TIAM2: variants seen among roughly 807,000 people sequenced by gnomAD.
TIAM2 encodes the protein rho guanine nucleotide exchange factor TIAM2.
In TIAM2, 80 loss-of-function variants were observed where a neutral mutation model predicts 152.9. That is an observed-to-expected ratio of 0.52 (90% CI 0.44 to 0.63). The LOEUF (loss-of-function observed/expected upper bound fraction) is 0.63, where lower values mean the gene tolerates loss of function less well. TIAM2 is among the 30% of genes least tolerant of loss of function. The probability of loss-of-function intolerance (pLI) is 0.00; values close to 1 mark genes in which losing one functional copy is unlikely to be tolerated. For synonymous variants in TIAM2, 804 were observed against 838.0 expected, an observed-to-expected ratio of 0.96 and a Z score of 0.70; for missense variants, 1,965 against 2,120.1, an observed-to-expected ratio of 0.93 and a Z score of 1.44.
chr6:155,024,519 TAGG>T (rs1776560026), intron 1 of TIAM2, among the ~76,000 whole-genome samples: 1 of 152,204 alleles, frequency 6.6e-6, no homozygotes, highest in East Asian at 1.9e-4. Context: ...TTTTTCTTTG[TAGG>T]AGAAGAAGAT....
chr6:155,118,858 TG>T (rs1306816214), intron 2 of TIAM2, among the ~76,000 whole-genome samples: 8 of 121,370 alleles, frequency 6.6e-5, no homozygotes, highest in South Asian at 3.0e-4. Flanking sequence ...AGTGAATGTG[TG>T]TGCTTTTTTT....
chr6:155,247,503 A>G (rs1046893946), intron 19 of TIAM2, among the ~76,000 whole-genome samples: 1 of 151,878 alleles, frequency 6.6e-6, no homozygotes, highest in Non-Finnish European at 1.5e-5. Flanking sequence ...GAATTTTTGT[A>G]TTTTTAGTAG....
intron 1 of TIAM2, among the ~76,000 whole-genome samples, chr6:155,087,239 A>G (rs1480441048): frequency 4.6e-5 from 7 of 152,232 alleles, no homozygotes; most frequent in Non-Finnish European, 8.8e-5. Flanking sequence ...ACATGTGGAA[A>G]GTTCTGTTAT....
At chr6:155,157,645 G>C (rs1302121526) in intron 7 of TIAM2, among the ~76,000 whole-genome samples, 1 of 152,040 alleles carries the variant, frequency 6.6e-6, no homozygotes, top group Admixed American at 6.5e-5. Flanking sequence ...TGCACTAACT[G>C]ATTGCGCCAC....
chr6:155,138,135 C>T (rs1215142407), intron 5 of TIAM2, among the ~76,000 whole-genome samples: 2 of 152,148 alleles, frequency 1.3e-5, no homozygotes, highest in African/African-American at 4.8e-5. Flanking sequence ...GCCACTGCAC[C>T]CGGCCTATTA....
In TIAM2 at chr6:155,008,944, G is replaced by T. The variant is rs575676895; in HGVS notation, c.-209+13452G>T. ...TGTACTGCCTTGGAGTTGTAGGATT[G>T]AAATAGGAGAGGAAGAGCATAATGG... On this transcript the variant is annotated intron_variant, in intron 1 of 26. Transcript: ENST00000682666. Among the ~76,000 whole-genome samples the T allele has an allele frequency of 3.3e-5, 5 of 152,204 alleles. No individual in the cohort carries two copies. The East Asian group carries it at 5.8e-4, about 18-fold the overall frequency.
intron 15 of TIAM2, among the ~76,000 whole-genome samples, chr6:155,240,229 C>T (rs144926761): frequency 6.6e-6 from 1 of 152,382 alleles, no homozygotes; most frequent in African/African-American, 2.4e-5. Flanking sequence ...ACCTTGACTG[C>T]AGAGGGTTAG....
At chr6:155,173,201 G>A (rs1780676261) in intron 9 of TIAM2, among the ~76,000 whole-genome samples, 2 of 146,158 alleles carry the variant, frequency 1.4e-5, no homozygotes, top group Admixed American at 6.9e-5. Context: ...GTGTGTGTGT[G>A]TCTGTCTGTC....
At chr6:155,211,352 G>C (rs759446022) in intron 15 of TIAM2, 45 bp downstream of exon 15, 1 of 1,545,916 alleles carries the variant, frequency 6.5e-7, no homozygotes, top group Admixed American at 1.7e-5. Flanking sequence ...AGGCAGGCGA[G>C]TGTTAGTTCC....
At chr6:155,118,664 A>T (rs1779073821) in intron 2 of TIAM2, among the ~76,000 whole-genome samples, 1 of 151,094 alleles carries the variant, frequency 6.6e-6, no homozygotes, top group Non-Finnish European at 1.5e-5. Context: ...CAAACTCCTG[A>T]CCTCAGGTGA....
At chr6:155,044,760 C>T (rs1314654087) in intron 1 of TIAM2, among the ~76,000 whole-genome samples, 1 of 151,616 alleles carries the variant, frequency 6.6e-6, no homozygotes, top group Non-Finnish European at 1.5e-5. Context: ...TGCTGTGAGC[C>T]GAGATTGCAC....
chr6:155,089,224 G>T (rs928778319), intron 1 of TIAM2, among the ~76,000 whole-genome samples: 6 of 151,208 alleles, frequency 4.0e-5, no homozygotes, highest in Admixed American at 1.3e-4. Context: ...TTTTCGGGGG[G>T]GTGGGGGTGT....
chr6:155,170,917 A>C (rs1331564287), intron 9 of TIAM2, among the ~76,000 whole-genome samples: 1 of 152,214 alleles, frequency 6.6e-6, no homozygotes, highest in Non-Finnish European at 1.5e-5. Context: ...TACCCAGATA[A>C]CTAGATTCAG....
intron 14 of TIAM2, among the ~76,000 whole-genome samples, chr6:155,206,882 A>T (rs1781608747): frequency 6.6e-6 from 1 of 152,254 alleles, no homozygotes; most frequent in Non-Finnish European, 1.5e-5. Flanking sequence ...TTGAATTTAT[A>T]ATTGATTTGC....
rs1387733672 is a variant in TIAM2 at position 155,029,378 on chromosome 6, T to A, written c.-209+33886T>A. ...CGTTATATATAATATATACTATATA[T>A]ACTATGTTATATATATACTATAGTA... On this transcript the variant is annotated intron_variant, in intron 1 of 26. Coordinates refer to ENST00000682666, the MANE Select transcript of TIAM2 (RefSeq NM_012454.4). Among the ~76,000 whole-genome samples the A allele has an allele frequency of 2.2e-4, 22 of 99,560 alleles. 2 individuals are homozygous for A. The highest frequency in any genetic ancestry group is 8.3e-4 in the African/African-American group (22 of 26,604). The allele number at this position is 99,560 out of a possible 152,430, so 65.3% of individuals were successfully genotyped here. A position where few individuals can be genotyped will look rare whatever the true frequency, so the allele number is the denominator to read the frequency against.
intron 15 of TIAM2, chr6:155,216,575 T>C (rs1035119849): frequency 6.5e-5 from 10 of 152,998 alleles, no homozygotes; most frequent in Non-Finnish European, 1.5e-4. Context: ...GGGATTTTTT[T>C]CCCCAGTATT....
chr6:155,252,973 A>G lies in TIAM2; in HGVS notation c.4145A>G (p.Asn1382Ser). The G allele has an allele frequency of 6.2e-7, 1 of 1,612,872 alleles. No homozygotes were observed. Among genetic ancestry groups the G allele is most frequent in the Non-Finnish European group, 8.5e-7 (1 of 1,179,632 alleles). ...CCCTCGAATTCCCGGCCTGCACACA[A>G]CTCTACTGACTTGGACCCATTTAAA... ...KLPSNSRPAHNSTDLDPFKFR... is the reference protein window; with the variant it reads ...KLPSNSRPAHSSTDLDPFKFR... The change falls in exon 24 of 27, where the codon AAC (asparagine) becomes AGC (serine). Residue 1382 changes from asparagine to serine, a missense_variant. Physicochemically the swap from Asn to Ser is conservative, Grantham distance 46 (BLOSUM62 1). Transcript: ENST00000682666.
At chr6:155,002,258 A>C in intron 1 of TIAM2, among the ~76,000 whole-genome samples, 1 of 152,152 alleles carries the variant, frequency 6.6e-6, no homozygotes, top group Admixed American at 6.5e-5. Flanking sequence ...AAAAAATACA[A>C]AAATTAGCTG....
At chr6:155,026,835 G>A (rs1019725861) in intron 1 of TIAM2, among the ~76,000 whole-genome samples, 5 of 152,162 alleles carry the variant, frequency 3.3e-5, no homozygotes, top group African/African-American at 9.7e-5. Flanking sequence ...ATGTAGTTAC[G>A]GGAGACTGGG....
Sources: gnomAD v4.1 joint callset for allele counts (sites outside exome capture counted in the v4.1 genomes callset) on GRCh38, gnomAD v4.1.1 for gene constraint, MANE v1.5 for transcripts, NCBI Gene and HGNC (gene_info 2026-07-23, HGNC 2026-07-21) for gene names.